Variants in VKORC1L1 observed in about 807,000 individuals in gnomAD.
VKORC1L1 encodes the protein vitamin K epoxide reductase complex subunit 1-like protein 1.
In VKORC1L1, 2 loss-of-function variants were observed where a neutral mutation model predicts 18.9. The observed-to-expected ratio is 0.11, with a 90% CI of 0.04 to 0.33. VKORC1L1 has a LOEUF of 0.33. Among genes scored for constraint, VKORC1L1 ranks in the 10% least tolerant of loss-of-function variants. VKORC1L1 has a pLI of 1.00. For missense variants in VKORC1L1, 123 were observed against 224.1 expected (o/e 0.55, Z 2.88); for synonymous variants, 96 against 100.0 (o/e 0.96, Z 0.24).
At chr7:65,949,239 G>A (rs1053769239) in intron 2 of VKORC1L1, among the ~76,000 whole-genome samples, 2 of 151,976 alleles carry the variant, frequency 1.3e-5, no homozygotes, top group Admixed American at 1.3e-4. Flanking sequence ...CAGCACTTAG[G>A]GAGGCCAAGA....
intron 1 of VKORC1L1, among the ~76,000 whole-genome samples, chr7:65,940,619 G>A (rs187073021): frequency 1.8e-3 from 269 of 152,280 alleles, no homozygotes; most frequent in African/African-American, 4.7e-3. Flanking sequence ...CTCCAGGAAG[G>A]CAAGGGCTCC....
intron 1 of VKORC1L1, among the ~76,000 whole-genome samples, chr7:65,877,812 A>G (rs1414338029): frequency 1.3e-5 from 2 of 152,172 alleles, no homozygotes; most frequent in Non-Finnish European, 2.9e-5. Context: ...TGGTCTATGT[A>G]TAGAACATAT....
intron 1 of VKORC1L1, among the ~76,000 whole-genome samples, chr7:65,924,643 C>A (rs560074343): frequency 8.5e-5 from 13 of 152,304 alleles, no homozygotes; most frequent in Admixed American, 7.8e-4. Context: ...CCAAGTAAAA[C>A]CTCCAGGGTA....
At chr7:65,902,976 C>T (rs1200973763) in intron 1 of VKORC1L1, among the ~76,000 whole-genome samples, 1 of 152,068 alleles carries the variant, frequency 6.6e-6, no homozygotes, top group East Asian at 1.9e-4. Flanking sequence ...AAGTGATTCT[C>T]CTGCCTCAGC....
At chr7:65,919,180 A>G (rs1458800459) in intron 1 of VKORC1L1, among the ~76,000 whole-genome samples, 1 of 152,210 alleles carries the variant, frequency 6.6e-6, no homozygotes, top group African/African-American at 2.4e-5. Context: ...ATAGTCCTAC[A>G]CTACCTGTTC....
chr7:65,941,673 G>GTTTT (rs57537567), intron 1 of VKORC1L1, among the ~76,000 whole-genome samples: 93 of 66,484 alleles, frequency 1.4e-3, no homozygotes, highest in Admixed American at 2.1e-3. Context: ...TTTTCTTAAG[G>GTTTT]TTTTTTTTTT....
At chr7:65,930,825 T>C (rs903930406) in intron 1 of VKORC1L1, among the ~76,000 whole-genome samples, 3 of 152,174 alleles carry the variant, frequency 2.0e-5, no homozygotes, top group African/African-American at 7.2e-5. Context: ...AGAAAGAATT[T>C]CGTCTTTCCC....
At chr7:65,894,040 C>T (rs188522400) in intron 1 of VKORC1L1, among the ~76,000 whole-genome samples, 4 of 152,012 alleles carry the variant, frequency 2.6e-5, no homozygotes, top group East Asian at 3.9e-4. Context: ...CTGCAACCTC[C>T]GCCTCCCAGG....
intron 1 of VKORC1L1, among the ~76,000 whole-genome samples, chr7:65,942,367 C>T (rs888339255): frequency 6.6e-6 from 1 of 151,264 alleles, no homozygotes; most frequent in African/African-American, 2.4e-5. Flanking sequence ...TGGCGGGCAC[C>T]TATAGTCCCA....
In VKORC1L1 at chr7:65,954,250, G is replaced by A; in HGVS notation, c.481G>A (p.Val161Ile). 1 of 1,614,154 alleles carries A rather than the reference G, an allele frequency of 6.2e-7. No individual in the cohort carries two copies. The highest frequency in any genetic ancestry group is 8.5e-7 in the Non-Finnish European group (1 of 1,180,038). ...TCTCATTATCAACTACAAACGACTA[G>A]TTTACTTGAACGAGGCCTGGAAGCG... ...LLLIINYKRL[V>I]YLNEAWKRQL... The change falls in exon 3 of 3, where the codon GTT (valine) becomes ATT (isoleucine). Residue 161 changes from valine to isoleucine, a missense_variant. Coordinates refer to ENST00000360768, the MANE Select transcript of VKORC1L1 (RefSeq NM_173517.6).
intron 1 of VKORC1L1, among the ~76,000 whole-genome samples, chr7:65,892,513 CTTAATT>C (rs1214652059): frequency 1.3e-5 from 2 of 152,128 alleles, no homozygotes; most frequent in Non-Finnish European, 2.9e-5. Flanking sequence ...AATGGAAATT[CTTAATT>C]TTAATGTAGT....
intron 1 of VKORC1L1, among the ~76,000 whole-genome samples, chr7:65,932,898 T>G (rs1303835642): frequency 2.0e-5 from 3 of 151,866 alleles, no homozygotes; most frequent in African/African-American, 7.3e-5. Context: ...GCCAAGATGA[T>G]GAAACCCCAT....
At position 65,943,596 on chromosome 7, in the gene VKORC1L1, C is replaced by T. The variant is rs761407999; in HGVS notation, c.195-5075C>T. ...CTTTTTAATGGTCAGGAGTTCGAGA[C>T]CAGCCTGGCCAATGTGGTGAAACCC... On this transcript the variant is annotated intron_variant, in intron 1 of 2. Coordinates refer to ENST00000360768, the MANE Select transcript of VKORC1L1 (RefSeq NM_173517.6). 1.2e-3 allele frequency among the ~76,000 whole-genome samples: 189 copies of T among 152,090 alleles called. 3 individuals are homozygous for T. The highest frequency in any genetic ancestry group is 1.3e-3 in the Non-Finnish European group (89 of 68,032).
intron 1 of VKORC1L1, among the ~76,000 whole-genome samples, chr7:65,925,724 T>G (rs1789750315): frequency 6.6e-6 from 1 of 152,170 alleles, no homozygotes; most frequent in Non-Finnish European, 1.5e-5. Context: ...AAAATTTGAG[T>G]AAGTGCATTT....
chr7:65,874,775 C>T (rs1788798441), intron 1 of VKORC1L1, among the ~76,000 whole-genome samples: 1 of 152,034 alleles, frequency 6.6e-6, no homozygotes, highest in Non-Finnish European at 1.5e-5. Context: ...CATTGCACCC[C>T]AGCCTGGGCA....
At position 65,918,294 on chromosome 7, in the gene VKORC1L1, A is replaced by G. The variant is rs189598445; in HGVS notation, c.195-30377A>G. On this transcript the variant is annotated intron_variant, in intron 1 of 2. Transcript: ENST00000360768. ...CAGGGAATGCAAAGTTTTTCCATGG[A>G]TTATAAAAGAAATCCCTTGGAGGGT... Among the ~76,000 whole-genome samples, 6 of 152,362 alleles carry G rather than the reference A, an allele frequency of 3.9e-5. No homozygotes were observed. In the East Asian group the frequency reaches 5.8e-4, roughly 15 times the overall value.
Position 65,873,087 on chromosome 7 carries a change from C to T in VKORC1L1, c.-285C>T, listed in dbSNP as rs1325674413. On this transcript the variant is annotated 5_prime_UTR_variant, in exon 1 of 3. Transcript: ENST00000360768. ...CCACGCCGCCTCAGTCTCCGCCCGC[C>T]GATCCGGCCTCTTCGGCCGTTGCGC... Among the ~76,000 whole-genome samples the T allele has an allele frequency of 3.4e-5, 5 of 148,990 alleles. No individual in the cohort carries two copies. The East Asian group carries it at 7.9e-4, about 24-fold the overall frequency.
chr7:65,894,086 C>T (rs1485074829), intron 1 of VKORC1L1, among the ~76,000 whole-genome samples: 1 of 151,950 alleles, frequency 6.6e-6, no homozygotes, highest in African/African-American at 2.4e-5. Flanking sequence ...TCCTGAGTAG[C>T]TGGGATTACA....
intron 1 of VKORC1L1, among the ~76,000 whole-genome samples, chr7:65,909,260 A>G (rs1375809074): frequency 6.6e-6 from 1 of 151,312 alleles, no homozygotes; most frequent in Non-Finnish European, 1.5e-5. Context: ...CTGGGATTGC[A>G]GATGAGCCAC....
Sources: allele counts gnomAD v4.1 joint callset (sites outside exome capture counted in the v4.1 genomes callset), GRCh38; gene constraint gnomAD v4.1.1; transcripts MANE v1.5; gene names NCBI Gene and HGNC (gene_info 2026-07-23, HGNC 2026-07-21).